THAP6: variants seen among roughly 807,000 people sequenced by gnomAD.
THAP6 encodes the protein THAP domain containing 6.
THAP6 carries 13 observed loss-of-function variants against 20.0 expected under a neutral mutation model. The observed-to-expected ratio is 0.65, with a 90% CI of 0.42 to 1.03. The LOEUF (loss-of-function observed/expected upper bound fraction) is 1.03. Ranked by LOEUF, THAP6 falls within the 50% of genes least tolerant of loss-of-function variation. THAP6 has a pLI of 0.00. For missense variants in THAP6, 262 were observed against 261.6 expected (o/e 1.00, Z -0.01); for synonymous variants, 93 against 92.2 (o/e 1.01, Z -0.05).
chr4:75,542,413 C>A (rs1412685807), exon 3 of THAP6: 2 of 701,640 alleles, frequency 2.9e-6, no homozygotes, highest in Non-Finnish European at 5.2e-6. Context: ...TTTCAGATAT[C>A]CATGTTCAAG....
chr4:75,542,414 C>T (rs1405248644), exon 3 of THAP6: 1 of 701,798 alleles, frequency 1.4e-6, no homozygotes, highest in Non-Finnish European at 2.6e-6. Flanking sequence ...TTCAGATATC[C>T]ATGTTCAAGA....
chr4:75,536,582 T>C (rs998355208), intron 2 of THAP6, among the ~76,000 whole-genome samples: 1 of 152,134 alleles, frequency 6.6e-6, no homozygotes, highest in Non-Finnish European at 1.5e-5. Flanking sequence ...ACTGGTGCAG[T>C]GGCATGATCA....
chr4:75,542,305 G>C (rs1252401829), intron 2 of THAP6: 1 of 617,682 alleles, frequency 1.6e-6, no homozygotes, highest in Non-Finnish European at 2.9e-6. Context: ...GAAAACTAAA[G>C]AACGTGACTT....
intron 3 of THAP6, among the ~76,000 whole-genome samples, chr4:75,543,863 G>T (rs1385645674): frequency 6.6e-6 from 1 of 152,138 alleles, no homozygotes; most frequent in African/African-American, 2.4e-5. Flanking sequence ...AGAACAAGGG[G>T]AACAGCATAG....
chr4:75,520,253 C>T (rs989363099), intron 3 of THAP6, among the ~76,000 whole-genome samples: 5 of 152,080 alleles, frequency 3.3e-5, no homozygotes, highest in Admixed American at 6.5e-5. Context: ...GAGTAGGTTG[C>T]GAAAATTTTC....
chr4:75,521,131 A>ATT (rs36043887), intron 3 of THAP6, among the ~76,000 whole-genome samples: 11 of 147,370 alleles, frequency 7.5e-5, no homozygotes, highest in African/African-American at 9.9e-5. Flanking sequence ...GCATGGGTTT[A>ATT]TTTTTTTTTT....
At chr4:75,518,866 G>A (rs1011476145) in intron 3 of THAP6, among the ~76,000 whole-genome samples, 4 of 152,140 alleles carry the variant, frequency 2.6e-5, no homozygotes, top group African/African-American at 9.7e-5. Context: ...CAGATCTATG[G>A]ATCACATGTT....
At chr4:75,516,034 G>A (rs1166199093) in intron 2 of THAP6, among the ~76,000 whole-genome samples, 1 of 152,184 alleles carries the variant, frequency 6.6e-6, no homozygotes, top group Non-Finnish European at 1.5e-5. Context: ...AGGAGTAAGT[G>A]AAGGAGTAAT....
intron 2 of THAP6, among the ~76,000 whole-genome samples, chr4:75,539,682 C>T (rs893024513): frequency 1.3e-5 from 2 of 152,334 alleles, no homozygotes; most frequent in Admixed American, 6.5e-5. Flanking sequence ...CCTCCCACTT[C>T]ATTATATATG....
At chr4:75,526,098 T>G (rs1726348263) in intron 4 of THAP6, among the ~76,000 whole-genome samples, 1 of 152,228 alleles carries the variant, frequency 6.6e-6, no homozygotes, top group African/African-American at 2.4e-5. Context: ...CTGCCTGGGT[T>G]TCCCTTCCTT....
At position 75,529,388 on chromosome 4, in the gene THAP6, C is replaced by T. The variant is rs1726581618; in HGVS notation, c.*2174C>T. 1.0e-6 allele frequency: 1 copy of T among 985,278 alleles called. No homozygotes were observed. The highest frequency in any genetic ancestry group is 1.2e-6 in the Non-Finnish European group (1 of 829,932). 61.0% of individuals were successfully genotyped at this position (985,278 alleles called of 1,614,324 possible). Reference sequence around the variant, plus strand: ...CACAGTCACTTTTACTACTTGTGTTCATAGTAGACTCAGCACTTCTTTTTC... The same window carrying T: ...CACAGTCACTTTTACTACTTGTGTTTATAGTAGACTCAGCACTTCTTTTTC... On this transcript the variant is annotated 3_prime_UTR_variant, in exon 5 of 5. Coordinates refer to ENST00000311638, the MANE Select transcript of THAP6 (RefSeq NM_144721.6).
At chr4:75,541,781 C>G (rs963387006) in intron 2 of THAP6, among the ~76,000 whole-genome samples, 1 of 152,064 alleles carries the variant, frequency 6.6e-6, no homozygotes, top group Admixed American at 6.6e-5. Context: ...CATGGCAAGA[C>G]CTCGTCTCTA....
chr4:75,518,892 T>C (rs1017294943), intron 3 of THAP6, among the ~76,000 whole-genome samples: 3 of 151,016 alleles, frequency 2.0e-5, no homozygotes, highest in Admixed American at 1.3e-4. Context: ...GAAACCTATG[T>C]AGAACATCAC....
chr4:75,514,952 G>A (rs1236899701), intron 1 of THAP6: 1 of 163,420 alleles, frequency 6.1e-6, no homozygotes, highest in East Asian at 1.6e-4. Context: ...AAGACTGGTG[G>A]AGGAGGAAGA....
chr4:75,515,320 AT>A, intron 1 of THAP6, 112 bp from the exon 2 acceptor site: 1 of 934,278 alleles, frequency 1.1e-6, no homozygotes, highest in Non-Finnish European at 1.7e-6. Flanking sequence ...AGAAGAAGAT[AT>A]TTGTCTTTAG....
downstream of THAP6, among the ~76,000 whole-genome samples, chr4:75,532,113 G>A (rs140372287): frequency 6.6e-6 from 1 of 152,254 alleles, no homozygotes; most frequent in African/African-American, 2.4e-5. Context: ...TCTGAGACAG[G>A]GCAATTCCCT....
chr4:75,516,057 T>C (rs975289184), intron 2 of THAP6, among the ~76,000 whole-genome samples: 9 of 152,240 alleles, frequency 5.9e-5, no homozygotes, highest in Admixed American at 1.3e-4. Context: ...GATTTAATAG[T>C]TGTTCACTTG....
chr4:75,538,652 CATT>C (rs1726931685), intron 2 of THAP6, among the ~76,000 whole-genome samples: 1 of 152,178 alleles, frequency 6.6e-6, no homozygotes, highest in Non-Finnish European at 1.5e-5. Context: ...TCATAGGTCT[CATT>C]ATTTTACTTT....
chr4:75,515,669 C>T, intron 2 of THAP6, 137 bp downstream of exon 2: 1 of 731,734 alleles, frequency 1.4e-6, no homozygotes, highest in Admixed American at 2.2e-5. Context: ...TTTGAAGTGA[C>T]AATGTGATAC....
Sources: gnomAD v4.1 joint callset for allele counts (sites outside exome capture counted in the v4.1 genomes callset) on GRCh38, gnomAD v4.1.1 for gene constraint, MANE v1.5 for transcripts, NCBI Gene and HGNC (gene_info 2026-07-23, HGNC 2026-07-21) for gene names.